Variants in SLC30A8 observed in about 807,000 individuals in gnomAD.
The protein encoded by SLC30A8 is solute carrier family 30 member 8, also known as proton-coupled zinc antiporter SLC30A8.
Under a neutral mutation model 36.9 loss-of-function variants are expected in SLC30A8, and 27 were observed. That is an observed-to-expected ratio of 0.73 (90% confidence interval 0.54 to 1.01). The LOEUF (loss-of-function observed/expected upper bound fraction) is 1.01, where lower values mean the gene tolerates loss of function less well. SLC30A8 is among the 50% of genes least tolerant of loss of function. SLC30A8 has a pLI of 0.00. For missense variants in SLC30A8, 439 were observed against 452.0 expected (o/e 0.97, Z 0.26); for synonymous variants, 164 against 172.4 (o/e 0.95, Z 0.38).
chr8:117,021,318 G>T (rs1816688881), intron 1 of SLC30A8, among the ~76,000 whole-genome samples: 1 of 152,092 alleles, frequency 6.6e-6, no homozygotes, highest in Non-Finnish European at 1.5e-5. Context: ...CTATTATTTA[G>T]TGACTTTGTT....
intron 1 of SLC30A8, chr8:117,017,973 T>A (rs1816572342): frequency 6.6e-6 from 1 of 152,266 alleles, no homozygotes; most frequent in Non-Finnish European, 1.5e-5. Flanking sequence ...CTGCCTGTAG[T>A]CCCAAATACT....
intron 7 of SLC30A8, among the ~76,000 whole-genome samples, chr8:117,171,597 T>G (rs913582434): frequency 1.3e-5 from 2 of 152,170 alleles, no homozygotes; most frequent in Non-Finnish European, 2.9e-5. Flanking sequence ...GCCCCACTCT[T>G]AAATTTCTAA....
At chr8:117,142,472 T>C (rs536028596) in intron 1 of SLC30A8, among the ~76,000 whole-genome samples, 1 of 152,296 alleles carries the variant, frequency 6.6e-6, no homozygotes, top group Middle Eastern at 3.4e-3. Context: ...ATTAAACTCT[T>C]TATAATGGCC....
chr8:116,953,008 A>G (rs963645188), intron 1 of SLC30A8, among the ~76,000 whole-genome samples: 12 of 149,702 alleles, frequency 8.0e-5, no homozygotes, highest in African/African-American at 2.0e-4. Context: ...TAGTTTTTCA[A>G]TGCTTGCCTC....
In SLC30A8 at chr8:117,171,089, CG is replaced by C; in HGVS notation, c.889del (p.Val297CysfsTer12). 6.2e-7 allele frequency: 1 copy of C among 1,612,008 alleles called. No individual in the cohort carries two copies. Among genetic ancestry groups the C allele is most frequent in the African/African-American group, 1.3e-5 (1 of 74,874 alleles). ...TGAAAGAGCTTATTTTAGCAGTCGACGGGGTGCTGTCTGTGCACAGCCTGCA... is the reference window on the plus strand; with the variant it reads ...TGAAAGAGCTTATTTTAGCAGTCGACGGGTGCTGTCTGTGCACAGCCTGCA... Reference protein sequence around the residue: ...GVKELILAVDGVLSVHSLHIW... With the variant: ...GVKELILAVDXVLSVHSLHIW... On this transcript the variant is annotated frameshift_variant, in exon 7 of 8. Transcript: ENST00000456015. LOFTEE classifies it high-confidence loss of function.
intron 1 of SLC30A8, among the ~76,000 whole-genome samples, chr8:116,995,522 T>G (rs915036638): frequency 1.3e-5 from 2 of 151,884 alleles, no homozygotes; most frequent in Admixed American, 6.6e-5. Flanking sequence ...TATCTGGAGG[T>G]GCAGGTTGTG....
chr8:117,058,299 A>G (rs906830732), intron 2 of SLC30A8, among the ~76,000 whole-genome samples: 8 of 152,122 alleles, frequency 5.3e-5, no homozygotes, highest in African/African-American at 1.4e-4. Flanking sequence ...CCCTTATCAT[A>G]TATATGCAAA....
At chr8:116,987,303 G>T (rs1385339355) in intron 1 of SLC30A8, among the ~76,000 whole-genome samples, 1 of 136,584 alleles carries the variant, frequency 7.3e-6, no homozygotes, top group Non-Finnish European at 1.6e-5. Flanking sequence ...GGGGTGGGGT[G>T]GGGGGAGGGG....
chr8:117,104,272 T>C (rs767209594), intron 2 of SLC30A8, among the ~76,000 whole-genome samples: 9 of 152,172 alleles, frequency 5.9e-5, no homozygotes, highest in Non-Finnish European at 1.0e-4. Context: ...CACATTTTAT[T>C]ATAGGCTGCA....
chr8:117,148,251 A>G (rs1275012606), intron 2 of SLC30A8, among the ~76,000 whole-genome samples: 1 of 152,132 alleles, frequency 6.6e-6, no homozygotes, highest in East Asian at 1.9e-4. Flanking sequence ...TTTTAAAATT[A>G]ATGTTCACAT....
chr8:116,979,504 G>A (rs1815183183), intron 1 of SLC30A8, among the ~76,000 whole-genome samples: 1 of 152,180 alleles, frequency 6.6e-6, no homozygotes, highest in East Asian at 1.9e-4. Context: ...CCTCTGATGA[G>A]ACTTTAACGA....
Position 117,174,882 on chromosome 8 carries a change from G to A in SLC30A8, c.*2201G>A, listed in dbSNP as rs1018335688. ...ACAGTAGATGTTTATATGGCAAAAT[G>A]CAAGACAATCTACAAGGGAGATTTT... On this transcript the variant is annotated 3_prime_UTR_variant, in exon 8 of 8. Coordinates refer to ENST00000456015, the MANE Select transcript of SLC30A8 (RefSeq NM_173851.3). 1 of 152,424 alleles carries A rather than the reference G, an allele frequency of 6.6e-6. No homozygotes were observed. Among genetic ancestry groups the A allele is most frequent in the Non-Finnish European group, 1.5e-5 (1 of 67,970 alleles). 9.4% of individuals were successfully genotyped at this position (152,424 alleles called of 1,614,324 possible).
chr8:117,079,608 C>A (rs971965188), intron 2 of SLC30A8, among the ~76,000 whole-genome samples: 4 of 152,046 alleles, frequency 2.6e-5, no homozygotes, highest in Admixed American at 6.6e-5. Context: ...GGGCATTTGA[C>A]CCAATGGGGT....
intron 2 of SLC30A8, among the ~76,000 whole-genome samples, chr8:117,126,885 C>T (rs377296905): frequency 6.6e-6 from 1 of 151,990 alleles, no homozygotes; most frequent in South Asian, 2.1e-4. Flanking sequence ...TGATATCTGG[C>T]AGGATGAGAA....
At chr8:116,975,462 G>C (rs1031897096) in intron 1 of SLC30A8, among the ~76,000 whole-genome samples, 7 of 152,132 alleles carry the variant, frequency 4.6e-5, no homozygotes, top group African/African-American at 1.4e-4. Flanking sequence ...GTCTGTCTTA[G>C]TTGTCAAGTA....
chr8:117,041,955 G>A lies in SLC30A8; in HGVS notation c.-226+2697G>A, dbSNP rs1016252312. ...CAGATTTCCCAATGAATAGTTCTACGCCATGAATAAATGAGATTAGAGGGA... is the reference window on the plus strand; with the variant it reads ...CAGATTTCCCAATGAATAGTTCTACACCATGAATAAATGAGATTAGAGGGA... On this transcript the variant is annotated intron_variant, in intron 2 of 10. Coordinates refer to the SLC30A8 transcript ENST00000427715. Among the ~76,000 whole-genome samples, 5 of 152,160 alleles carry A rather than the reference G, an allele frequency of 3.3e-5. No homozygotes were observed. In the East Asian group the frequency reaches 5.8e-4, roughly 18 times the overall value.
At position 117,032,154 on chromosome 8, in the gene SLC30A8, A is replaced by G. The variant is rs937289460; in HGVS notation, c.-265-7065A>G. Among the ~76,000 whole-genome samples, 101 of 149,190 alleles carry G rather than the reference A, an allele frequency of 6.8e-4. 2 individuals are homozygous for G. The highest frequency in any genetic ancestry group is 3.3e-4 in the Non-Finnish European group (22 of 67,400). ...CTAGCTGAAAATCTCTTTTCCTGCCATGCTTTTTTTTTTTCAGCTTCTCAG... is the reference window on the plus strand; with the variant it reads ...CTAGCTGAAAATCTCTTTTCCTGCCGTGCTTTTTTTTTTTCAGCTTCTCAG... On this transcript the variant is annotated intron_variant, in intron 1 of 10. Coordinates refer to the SLC30A8 transcript ENST00000427715.
At chr8:116,991,217 A>G (rs1815631796) in intron 1 of SLC30A8, among the ~76,000 whole-genome samples, 2 of 152,106 alleles carry the variant, frequency 1.3e-5, no homozygotes, top group South Asian at 4.1e-4. Context: ...TCAAATACTC[A>G]TTCTACTATC....
At chr8:117,144,095 G>A (rs1821787508) in intron 1 of SLC30A8, among the ~76,000 whole-genome samples, 1 of 152,072 alleles carries the variant, frequency 6.6e-6, no homozygotes, top group Admixed American at 6.6e-5. Context: ...TGCTCATGCT[G>A]TCTTCTCAGC....
Sources: allele counts gnomAD v4.1 joint callset (sites outside exome capture counted in the v4.1 genomes callset), GRCh38; gene constraint gnomAD v4.1.1; transcripts MANE v1.5; gene names NCBI Gene and HGNC (gene_info 2026-07-23, HGNC 2026-07-21).